RAP1A: variants seen among roughly 807,000 people sequenced by gnomAD.
The protein encoded by RAP1A is RAP1A, member of RAS oncogene family.
In RAP1A, 6 loss-of-function variants were observed where a neutral mutation model predicts 26.4. The observed-to-expected ratio is 0.23, with a 90% CI of 0.12 to 0.45. The LOEUF is 0.45. Among genes scored for constraint, RAP1A ranks in the 20% least tolerant of loss-of-function variants. The pLI is 0.99. For missense variants in RAP1A, 121 were observed against 217.2 expected, an observed-to-expected ratio of 0.56 and a Z score of 2.78; for synonymous variants, 73 against 79.4, an observed-to-expected ratio of 0.92 and a Z score of 0.43.
chr1:111,703,786 G>A (rs992479648), intron 5 of RAP1A, among the ~76,000 whole-genome samples: 6 of 152,170 alleles, frequency 3.9e-5, no homozygotes, highest in African/African-American at 1.4e-4. Flanking sequence ...GAAAGGTGAT[G>A]GTTGTGTCAG....
chr1:111,591,131 T>C (rs1316354121), intron 1 of RAP1A, among the ~76,000 whole-genome samples: 1 of 152,176 alleles, frequency 6.6e-6, no homozygotes, highest in Non-Finnish European at 1.5e-5. Flanking sequence ...AAGTTTTCTT[T>C]TTCTAGGGAA....
chr1:111,680,376 A>G (rs925792008), intron 1 of RAP1A, among the ~76,000 whole-genome samples: 1 of 152,088 alleles, frequency 6.6e-6, no homozygotes, highest in Non-Finnish European at 1.5e-5. Context: ...GGTCCATTTT[A>G]CAGAATGCTG....
intron 1 of RAP1A, among the ~76,000 whole-genome samples, chr1:111,623,176 C>T (rs922682830): frequency 2.4e-5 from 2 of 83,116 alleles, no homozygotes; most frequent in Non-Finnish European, 4.8e-5. Flanking sequence ...CACCACCACG[C>T]CCAGATAATT....
At chr1:111,571,290 C>A (rs1044126472) in intron 1 of RAP1A, among the ~76,000 whole-genome samples, 1 of 152,212 alleles carries the variant, frequency 6.6e-6, no homozygotes, top group African/African-American at 2.4e-5. Context: ...CCTGTCCCAG[C>A]CCATCCCTGT....
intron 1 of RAP1A, among the ~76,000 whole-genome samples, chr1:111,614,151 C>A (rs1658976127): frequency 6.6e-6 from 1 of 152,178 alleles, no homozygotes; most frequent in African/African-American, 2.4e-5. Flanking sequence ...ATTAATAGCT[C>A]TCCGCTTTTG....
At position 111,581,393 on chromosome 1, in the gene RAP1A, G is replaced by C. The variant is rs765584234; in HGVS notation, c.-28+38884G>C. On this transcript the variant is annotated intron_variant, in intron 1 of 7. Coordinates refer to the RAP1A transcript ENST00000356415. ...GGAAACATTTTTGGCTGTCACAACT[G>C]GGGTAGAGGAGTTGTTACCAGCATC... 2.0e-5 allele frequency among the ~76,000 whole-genome samples: 3 copies of C among 152,304 alleles called. No individual in the cohort carries two copies. The East Asian group carries it at 5.8e-4, about 29-fold the overall frequency.
intron 1 of RAP1A, among the ~76,000 whole-genome samples, chr1:111,632,549 T>C (rs1360786627): frequency 6.6e-6 from 1 of 151,896 alleles, no homozygotes; most frequent in African/African-American, 2.4e-5. Context: ...AAAAGAGAAA[T>C]GAAATTGATG....
At chr1:111,637,424 T>C (rs546452235) in intron 1 of RAP1A, among the ~76,000 whole-genome samples, 1 of 152,360 alleles carries the variant, frequency 6.6e-6, no homozygotes, top group African/African-American at 2.4e-5. Flanking sequence ...TGTATATTTG[T>C]TTATGTATTG....
chr1:111,639,948 C>T (rs145347272), intron 1 of RAP1A, among the ~76,000 whole-genome samples: 2 of 152,132 alleles, frequency 1.3e-5, no homozygotes, highest in Admixed American at 1.3e-4. Context: ...GATTTTGTGT[C>T]GAGGTTTACC....
intron 1 of RAP1A, among the ~76,000 whole-genome samples, chr1:111,579,034 G>C (rs1658198522): frequency 6.6e-6 from 1 of 152,206 alleles, no homozygotes; most frequent in Non-Finnish European, 1.5e-5. Context: ...AGGTATGGCA[G>C]AGCGGTTGCA....
chr1:111,700,287 G>A (rs1661978353), intron 4 of RAP1A, among the ~76,000 whole-genome samples: 1 of 152,196 alleles, frequency 6.6e-6, no homozygotes, highest in Non-Finnish European at 1.5e-5. Context: ...AGGTTTAATT[G>A]GCTCATGGTT....
At chr1:111,560,517 G>T (rs1489838906) in intron 1 of RAP1A, among the ~76,000 whole-genome samples, 1 of 138,198 alleles carries the variant, frequency 7.2e-6, no homozygotes, top group Non-Finnish European at 1.5e-5. Flanking sequence ...TTAGAGACAG[G>T]GTCTTCTGTC....
chr1:111,602,487 C>T (rs1658692526), intron 1 of RAP1A, among the ~76,000 whole-genome samples: 1 of 152,128 alleles, frequency 6.6e-6, no homozygotes, highest in African/African-American at 2.4e-5. Context: ...TCCTCTTTCC[C>T]CTTTTCCTGC....
At chr1:111,585,139 G>A (rs535614255) in intron 1 of RAP1A, among the ~76,000 whole-genome samples, 7 of 152,268 alleles carry the variant, frequency 4.6e-5, no homozygotes, top group African/African-American at 1.2e-4. Flanking sequence ...CTCTGTTGCC[G>A]ATTTAATCCT....
intron 1 of RAP1A, among the ~76,000 whole-genome samples, chr1:111,633,608 A>T (rs182450800): frequency 6.6e-6 from 1 of 152,368 alleles, no homozygotes; most frequent in Admixed American, 6.5e-5. Flanking sequence ...CAAATAGTAT[A>T]TACTCTTAAA....
intron 4 of RAP1A, among the ~76,000 whole-genome samples, chr1:111,701,482 T>C (rs996296395): frequency 5.3e-5 from 8 of 152,344 alleles, no homozygotes; most frequent in African/African-American, 1.9e-4. Flanking sequence ...CCATCTTGCA[T>C]ACTTGATTTT....
chr1:111,618,214 C>T (rs1462353164), upstream of RAP1A, among the ~76,000 whole-genome samples: 4 of 152,290 alleles, frequency 2.6e-5, no homozygotes, highest in South Asian at 6.2e-4. Context: ...ATCCTATTAA[C>T]ATACCCTAAT....
At chr1:111,653,284 A>G (rs1255722857) in intron 1 of RAP1A, among the ~76,000 whole-genome samples, 20 of 152,158 alleles carry the variant, frequency 1.3e-4, no homozygotes, top group Non-Finnish European at 2.9e-5. Context: ...GTTCATGGAT[A>G]TGTTTTTTTT....
At chr1:111,576,018 G>C (rs1658141488) in intron 1 of RAP1A, among the ~76,000 whole-genome samples, 1 of 152,224 alleles carries the variant, frequency 6.6e-6, no homozygotes, top group African/African-American at 2.4e-5. Context: ...TTGGGGGACA[G>C]AGAAAACTGA....
Sources: gnomAD v4.1 joint callset for allele counts (sites outside exome capture counted in the v4.1 genomes callset) on GRCh38, gnomAD v4.1.1 for gene constraint, MANE v1.5 for transcripts, NCBI Gene and HGNC (gene_info 2026-07-23, HGNC 2026-07-21) for gene names.